The following DIP2C variants were observed in gnomAD, a reference collection of about 807,000 sequenced individuals.
The protein encoded by DIP2C is DIP2 acetate--CoA ligase C (putative), also known as disco-interacting protein 2 homolog C.
Under a neutral mutation model 192.4 loss-of-function variants are expected in DIP2C, and 33 were observed. The observed-to-expected ratio is 0.17, with a 90% CI of 0.13 to 0.23. The LOEUF (loss-of-function observed/expected upper bound fraction) is 0.23, where lower values mean the gene tolerates loss of function less well. DIP2C is among the 10% of genes least tolerant of loss of function. The pLI is 1.00. For missense variants in DIP2C, 1,537 were observed against 2,110.1 expected (o/e 0.73, Z 5.32); for synonymous variants, 979 against 864.1 (o/e 1.13, Z -2.33).
intron 1 of DIP2C, among the ~76,000 whole-genome samples, chr10:545,154 C>G (rs1292729832): frequency 7.3e-6 from 1 of 136,524 alleles, no homozygotes; most frequent in African/African-American, 2.8e-5. Context: ...TCCAACATGA[C>G]TGGTGTTTTC....
In DIP2C at chr10:283,237, T is replaced by A. The variant is rs373743484; in HGVS notation, c.4294+35A>T. 3.3e-5 allele frequency: 48 copies of A among 1,470,644 alleles called. No individual in the cohort carries two copies. In the African/African-American group the frequency reaches 1.2e-3, roughly 36 times the overall value. 91.1% of individuals were successfully genotyped at this position (1,470,644 alleles called of 1,614,324 possible). A position where few individuals can be genotyped will look rare whatever the true frequency, so the allele number is the denominator to read the frequency against. ...TACAGGAGCCTAACCTCTCTGCCCA[T>A]CTGTTGGGGGGGGGCCGCCAGCCTG... On this transcript the variant is annotated intron_variant, in intron 35 of 36. Coordinates refer to ENST00000280886, the MANE Select transcript of DIP2C (RefSeq NM_014974.3).
At chr10:573,488 A>C (rs1348284275) in intron 1 of DIP2C, among the ~76,000 whole-genome samples, 1 of 152,186 alleles carries the variant, frequency 6.6e-6, no homozygotes, top group African/African-American at 2.4e-5. Flanking sequence ...CACTCACTGC[A>C]AGCTCCGCCT....
At chr10:642,078 C>A (rs929920693) in intron 1 of DIP2C, among the ~76,000 whole-genome samples, 2 of 152,138 alleles carry the variant, frequency 1.3e-5, no homozygotes, top group African/African-American at 4.8e-5. Context: ...CCAAATAGTG[C>A]CTACTAATTT....
chr10:605,963 C>T (rs1270760713), intron 1 of DIP2C, among the ~76,000 whole-genome samples: 1 of 152,184 alleles, frequency 6.6e-6, no homozygotes, highest in Admixed American at 6.5e-5. Context: ...CTGAAAGGTC[C>T]CACTTGCGAG....
intron 1 of DIP2C, among the ~76,000 whole-genome samples, chr10:654,516 G>A (rs531089002): frequency 6.6e-6 from 1 of 152,298 alleles, no homozygotes; most frequent in South Asian, 2.1e-4. Context: ...CAAGATCCAC[G>A]GAGGCTCTGC....
intron 17 of DIP2C, among the ~76,000 whole-genome samples, chr10:382,034 A>G (rs1962417058): frequency 6.6e-6 from 1 of 152,176 alleles, no homozygotes; most frequent in Non-Finnish European, 1.5e-5. Context: ...CCAAACCCAC[A>G]GACGGCTCCA....
chr10:515,538 T>C (rs1040844751), intron 1 of DIP2C, among the ~76,000 whole-genome samples: 4 of 152,100 alleles, frequency 2.6e-5, no homozygotes, highest in Admixed American at 1.3e-4. Context: ...GCCTGGCCAA[T>C]ATGGCAAAAC....
chr10:445,731 A>G (rs1968129593), intron 3 of DIP2C, among the ~76,000 whole-genome samples: 1 of 151,046 alleles, frequency 6.6e-6, no homozygotes, highest in South Asian at 2.1e-4. Context: ...TCCACTGAGC[A>G]TCTGTATACA....
At chr10:493,086 C>A (rs1219652319) in intron 1 of DIP2C, among the ~76,000 whole-genome samples, 3 of 152,236 alleles carry the variant, frequency 2.0e-5, no homozygotes, top group Admixed American at 6.5e-5. Context: ...CCTCGAAACA[C>A]CCCCTCCCTT....
intron 1 of DIP2C, among the ~76,000 whole-genome samples, chr10:655,006 C>A (rs1196951232): frequency 6.6e-6 from 1 of 152,120 alleles, no homozygotes; most frequent in Non-Finnish European, 1.5e-5. Context: ...GCGAAGGGTC[C>A]CAGACAGCCT....
intron 17 of DIP2C, among the ~76,000 whole-genome samples, chr10:374,726 T>C (rs1472027344): frequency 6.6e-6 from 1 of 152,182 alleles, no homozygotes; most frequent in Non-Finnish European, 1.5e-5. Context: ...TTAGATGATA[T>C]TTATCTCCAT....
At chr10:414,152 C>A in intron 7 of DIP2C, 42 bp from the exon 8 acceptor site, 6 of 1,574,480 alleles carry the variant, frequency 3.8e-6, no homozygotes, top group South Asian at 1.1e-5. Context: ...GAAATGCATC[C>A]ACATTAGCAT....
intron 24 of DIP2C, among the ~76,000 whole-genome samples, chr10:350,954 C>A (rs1055205064): frequency 6.6e-6 from 1 of 152,058 alleles, no homozygotes; most frequent in African/African-American, 2.4e-5. Context: ...CCCAGGAATT[C>A]TTATGTGAGT....
At chr10:440,724 A>G in intron 4 of DIP2C, 147 bp downstream of exon 4, 1 of 1,209,452 alleles carries the variant, frequency 8.3e-7, no homozygotes. Flanking sequence ...CGTTTAACTC[A>G]TACAACACTG....
At chr10:474,252 T>A (rs2153752) in intron 2 of DIP2C, among the ~76,000 whole-genome samples, 2 of 152,122 alleles carry the variant, frequency 1.3e-5, no homozygotes, top group Non-Finnish European at 2.9e-5. Context: ...CACCACCCCT[T>A]ACGCCACTGT....
intron 1 of DIP2C, among the ~76,000 whole-genome samples, chr10:625,236 C>T (rs770809773): frequency 2.6e-5 from 4 of 152,192 alleles, no homozygotes; most frequent in African/African-American, 4.8e-5. Flanking sequence ...CAAGCCTCTG[C>T]GCAGCCCTCC....
chr10:376,621 G>T (rs1398467421), intron 17 of DIP2C, among the ~76,000 whole-genome samples: 5 of 151,102 alleles, frequency 3.3e-5, no homozygotes. Flanking sequence ...ACCACCAAAG[G>T]TTTCTCTTTT....
intron 31 of DIP2C, among the ~76,000 whole-genome samples, chr10:314,990 T>C (rs1210599363): frequency 6.6e-6 from 1 of 152,246 alleles, no homozygotes; most frequent in Non-Finnish European, 1.5e-5. Flanking sequence ...GGTTCTTTAC[T>C]TGTCCCTTTC....
At chr10:589,891 A>G (rs1311814911) in intron 1 of DIP2C, among the ~76,000 whole-genome samples, 3 of 152,246 alleles carry the variant, frequency 2.0e-5, no homozygotes, top group African/African-American at 7.2e-5. Context: ...TGTAGCCATT[A>G]AAACTGCAAT....
Sources: gnomAD v4.1 joint callset for allele counts (sites outside exome capture counted in the v4.1 genomes callset) on GRCh38, gnomAD v4.1.1 for gene constraint, MANE v1.5 for transcripts, NCBI Gene and HGNC (gene_info 2026-07-23, HGNC 2026-07-21) for gene names.